DGKB: variants seen among roughly 807,000 people sequenced by gnomAD.
DGKB encodes diacylglycerol kinase beta, also known as 90 kDa diacylglycerol kinase.
A neutral mutation model predicts 114.3 loss-of-function variants in DGKB; 67 were observed. That is an observed-to-expected ratio of 0.59 (90% CI 0.48 to 0.72). DGKB has a LOEUF of 0.72. Among genes scored for constraint, DGKB ranks in the 30% least tolerant of loss-of-function variants. The pLI is 0.00. For missense variants in DGKB, 907 were observed against 975.2 expected (o/e 0.93, Z 0.93); for synonymous variants, 398 against 323.1 (o/e 1.23, Z -2.49).
chr7:14,368,200 T>C (rs1005825096), intron 21 of DGKB, among the ~76,000 whole-genome samples: 5 of 150,552 alleles, frequency 3.3e-5, no homozygotes, highest in Admixed American at 2.0e-4. Flanking sequence ...TTTATTATAA[T>C]TGATGGACCT....
intron 13 of DGKB, among the ~76,000 whole-genome samples, chr7:14,663,859 T>C (rs1421186276): frequency 1.3e-5 from 2 of 151,898 alleles, no homozygotes; most frequent in Admixed American, 6.6e-5. Flanking sequence ...GATTGCCACT[T>C]TTGCTAATAA....
At chr7:14,874,664 G>A (rs748580777) in intron 1 of DGKB, among the ~76,000 whole-genome samples, 1 of 151,752 alleles carries the variant, frequency 6.6e-6, no homozygotes, top group African/African-American at 2.4e-5. Context: ...AATAATAAAA[G>A]AAGTGGGGGA....
intron 20 of DGKB, among the ~76,000 whole-genome samples, chr7:14,571,942 G>C (rs1025311905): frequency 3.9e-5 from 6 of 152,058 alleles, no homozygotes; most frequent in Non-Finnish European, 8.8e-5. Flanking sequence ...ACTGTGGGCA[G>C]ATAAAAATCC....
chr7:14,278,080 G>A (rs1799298409), intron 23 of DGKB, among the ~76,000 whole-genome samples: 1 of 152,106 alleles, frequency 6.6e-6, no homozygotes, highest in Admixed American at 6.6e-5. Flanking sequence ...TTTCAGAAAT[G>A]TCTACAGATT....
intron 21 of DGKB, among the ~76,000 whole-genome samples, chr7:14,348,269 G>A (rs894438471): frequency 1.1e-4 from 16 of 151,684 alleles, no homozygotes; most frequent in African/African-American, 3.9e-4. Flanking sequence ...GCAAATTTTG[G>A]CATTTGAATT....
At chr7:14,647,871 G>C (rs912773806) in intron 13 of DGKB, among the ~76,000 whole-genome samples, 2 of 152,232 alleles carry the variant, frequency 1.3e-5, no homozygotes, top group South Asian at 4.1e-4. Flanking sequence ...CTGAGTCAAA[G>C]AAAGGGGTGA....
At chr7:14,578,903 A>G (rs1359821479) in intron 19 of DGKB, among the ~76,000 whole-genome samples, 2 of 152,172 alleles carry the variant, frequency 1.3e-5, no homozygotes, top group Admixed American at 6.5e-5. Flanking sequence ...CTGGCTCCCA[A>G]TTGTCTTTCC....
intron 21 of DGKB, among the ~76,000 whole-genome samples, chr7:14,431,620 A>G (rs1828461297): frequency 6.6e-6 from 1 of 152,166 alleles, no homozygotes; most frequent in Admixed American, 6.5e-5. Flanking sequence ...TAATGAATAA[A>G]TTTTATCTAT....
intron 1 of DGKB, among the ~76,000 whole-genome samples, chr7:14,892,577 A>C (rs1374544660): frequency 7.3e-5 from 11 of 151,236 alleles, no homozygotes; most frequent in African/African-American, 2.7e-4. Flanking sequence ...TTATCATTAT[A>C]AATTCATGAT....
chr7:14,237,839 G>A (rs1303579648), intron 23 of DGKB, among the ~76,000 whole-genome samples: 2 of 151,856 alleles, frequency 1.3e-5, no homozygotes, highest in Non-Finnish European at 2.9e-5. Flanking sequence ...TCTTTGCAGT[G>A]TTTAAGGAAT....
intron 1 of DGKB, among the ~76,000 whole-genome samples, chr7:14,861,589 CCT>C (rs1562749058): frequency 6.6e-6 from 1 of 151,914 alleles, no homozygotes; most frequent in African/African-American, 2.4e-5. Context: ...ACATTAGATG[CCT>C]GTTTGCCTGT....
intron 23 of DGKB, among the ~76,000 whole-genome samples, chr7:14,260,933 T>C (rs1796686543): frequency 1.3e-5 from 2 of 152,112 alleles, no homozygotes; most frequent in Non-Finnish European, 2.9e-5. Flanking sequence ...TTTAACGAAA[T>C]CAAAGAGTCA....
chr7:14,413,769 G>C (rs1052486529), intron 21 of DGKB, among the ~76,000 whole-genome samples: 1 of 152,168 alleles, frequency 6.6e-6, no homozygotes, highest in Non-Finnish European at 1.5e-5. Flanking sequence ...AGTGATGAAT[G>C]TGTAGACAGT....
intron 21 of DGKB, among the ~76,000 whole-genome samples, chr7:14,406,896 C>T (rs1380733525): frequency 3.3e-5 from 5 of 151,910 alleles, no homozygotes; most frequent in Non-Finnish European, 7.4e-5. Flanking sequence ...TTGGGGTTTT[C>T]AGAGAAGACA....
chr7:14,409,684 G>C (rs568833519), intron 21 of DGKB, among the ~76,000 whole-genome samples: 108 of 7,914 alleles, frequency 0.014, 26 homozygotes, highest in African/African-American at 0.028. Context: ...TCCGCAGTCT[G>C]GCCTGGGCGA....
chr7:14,177,161 T>A (rs1781878289), intron 24 of DGKB, among the ~76,000 whole-genome samples: 1 of 152,070 alleles, frequency 6.6e-6, no homozygotes, highest in South Asian at 2.1e-4. Flanking sequence ...ATTTCAGGGT[T>A]TATGTTTAAT....
Position 14,224,877 on chromosome 7 carries a change from A to G in DGKB, c.2123-46726T>C, listed in dbSNP as rs150315075. On this transcript the variant is annotated intron_variant, in intron 23 of 25. Coordinates refer to ENST00000402815, the MANE Select transcript of DGKB (RefSeq NM_001350709.2). ...ACCAGCCTCTTATGCTCTTGTTTTTAACAATGCCCTGGTGCATAGATTGCT... is the reference window on the plus strand; with the variant it reads ...ACCAGCCTCTTATGCTCTTGTTTTTGACAATGCCCTGGTGCATAGATTGCT... Among the ~76,000 whole-genome samples, 99 of 152,136 alleles carry G rather than the reference A, an allele frequency of 6.5e-4. No homozygotes were observed. In the Middle Eastern group the frequency reaches 0.017, roughly 26 times the overall value.
chr7:14,798,341 C>T (rs1486738946), intron 2 of DGKB, among the ~76,000 whole-genome samples: 1 of 152,134 alleles, frequency 6.6e-6, no homozygotes, highest in Non-Finnish European at 1.5e-5. Flanking sequence ...AGTCAGGCAT[C>T]TTCTCCCTCT....
intron 1 of DGKB, among the ~76,000 whole-genome samples, chr7:14,861,883 CT>C (rs1851030663): frequency 6.6e-6 from 1 of 151,868 alleles, no homozygotes; most frequent in African/African-American, 2.4e-5. Flanking sequence ...ATTTGAGCTG[CT>C]TGCAAGATTT....
Sources: allele counts gnomAD v4.1 joint callset (sites outside exome capture counted in the v4.1 genomes callset), GRCh38; gene constraint gnomAD v4.1.1; transcripts MANE v1.5; gene names NCBI Gene and HGNC (gene_info 2026-07-23, HGNC 2026-07-21).